The following UTRN variants were observed in gnomAD, a reference collection of about 807,000 sequenced individuals.
UTRN encodes the protein utrophin, also known as dystrophin-related protein 1.
A neutral mutation model predicts 463.9 loss-of-function variants in UTRN; 283 were observed. The ratio of observed to expected loss-of-function variants is 0.61; its 90% CI spans 0.55 to 0.67. The LOEUF is 0.67. UTRN is among the 30% of genes least tolerant of loss of function. The probability of loss-of-function intolerance (pLI) is 0.00; values close to 1 mark genes in which losing one functional copy is unlikely to be tolerated. For synonymous variants in UTRN, 1,442 were observed against 1,431.5 expected, an observed-to-expected ratio of 1.01 and a Z score of -0.17; for missense variants, 3,922 against 4,084.3, an observed-to-expected ratio of 0.96 and a Z score of 1.08.
At chr6:144,659,950 G>T (rs920010215) in intron 51 of UTRN, 1 of 281,164 alleles carries the variant, frequency 3.6e-6, no homozygotes, top group African/African-American at 2.2e-5. Flanking sequence ...GACCATGCCA[G>T]CCTCGTGGAA....
intron 9 of UTRN, among the ~76,000 whole-genome samples, chr6:144,431,355 A>G (rs1785822078): frequency 6.6e-6 from 1 of 152,216 alleles, no homozygotes; most frequent in Admixed American, 6.5e-5. Context: ...ATTAAGTGCA[A>G]GTGTATTAAC....
chr6:144,725,949 C>T (rs903297106), intron 53 of UTRN, among the ~76,000 whole-genome samples: 1 of 152,172 alleles, frequency 6.6e-6, no homozygotes, highest in Admixed American at 6.5e-5. Context: ...AGGCTTGCCT[C>T]CTGTACTTCC....
At chr6:144,778,734 A>G (rs1376843739) in intron 60 of UTRN, among the ~76,000 whole-genome samples, 2 of 152,174 alleles carry the variant, frequency 1.3e-5, no homozygotes, top group East Asian at 3.8e-4. Flanking sequence ...GCAGAACAGG[A>G]GAATGATGAT....
intron 51 of UTRN, among the ~76,000 whole-genome samples, chr6:144,613,671 C>G (rs1266289731): frequency 6.6e-6 from 1 of 151,844 alleles, no homozygotes; most frequent in Non-Finnish European, 1.5e-5. Context: ...TAAAAATGAC[C>G]TATATGCTGA....
intron 73 of UTRN, among the ~76,000 whole-genome samples, chr6:144,845,691 T>A (rs2128765172): frequency 6.6e-6 from 1 of 152,280 alleles, no homozygotes; most frequent in Non-Finnish European, 1.5e-5. Flanking sequence ...TGTAAACCTA[T>A]GGTGTACTTA....
chr6:144,826,062 G>A (rs1189415361), intron 66 of UTRN, among the ~76,000 whole-genome samples: 1 of 150,622 alleles, frequency 6.6e-6, no homozygotes, highest in Admixed American at 6.7e-5. Flanking sequence ...ATGAGTTAAT[G>A]GGTGCAGCAC....
chr6:144,334,317 G>C lies in UTRN; in HGVS notation c.79+42410G>C, dbSNP rs565330361. Among the ~76,000 whole-genome samples, 319 of 151,360 alleles carry C rather than the reference G, an allele frequency of 2.1e-3. 1 individual carries two copies. The highest frequency in any genetic ancestry group is 6.3e-3 in the African/African-American group (258 of 41,186). ...CCTCCCTCTTTCCGGTGTGTGTTTG[G>C]GGGGGGTGGGGGTGGTGAGGCAGGG... On this transcript the variant is annotated intron_variant, in intron 2 of 74. Coordinates refer to ENST00000367545, the MANE Select transcript of UTRN (RefSeq NM_007124.3).
At chr6:144,321,186 C>T (rs1775612690) in intron 2 of UTRN, among the ~76,000 whole-genome samples, 1 of 151,898 alleles carries the variant, frequency 6.6e-6, no homozygotes, top group South Asian at 2.1e-4. Flanking sequence ...ATGCCAGCCA[C>T]TATTTAACCG....
chr6:144,674,560 T>G (rs1354672600), intron 51 of UTRN, among the ~76,000 whole-genome samples: 1 of 152,052 alleles, frequency 6.6e-6, no homozygotes, highest in Non-Finnish European at 1.5e-5. Flanking sequence ...TGTTGTTTTT[T>G]TAATTTCTTT....
chr6:144,732,655 C>CATGTTATGTT (rs57770911), intron 54 of UTRN, among the ~76,000 whole-genome samples: 3,899 of 126,276 alleles, frequency 0.031, 251 homozygotes, highest in East Asian at 0.048. Flanking sequence ...CATTTTATGT[C>CATGTTATGTT]ATGTTATGTT....
chr6:144,662,194 C>G (rs189367601), intron 51 of UTRN, among the ~76,000 whole-genome samples: 6 of 152,084 alleles, frequency 3.9e-5, no homozygotes, highest in Non-Finnish European at 5.9e-5. Flanking sequence ...TGAATGTATT[C>G]TTTCCAAAGT....
chr6:144,508,688 C>T (rs1046870214), intron 34 of UTRN, among the ~76,000 whole-genome samples: 1 of 152,052 alleles, frequency 6.6e-6, no homozygotes, highest in Non-Finnish European at 1.5e-5. Flanking sequence ...ATCTTGCCAG[C>T]CACCTCCTCT....
intron 70 of UTRN, 85 bp from the exon 71 acceptor site, chr6:144,836,216 G>A (rs1209785255): frequency 1.9e-6 from 3 of 1,584,288 alleles, no homozygotes; most frequent in African/African-American, 1.4e-5. Flanking sequence ...GAACTAGCAT[G>A]AGCTAAATTT....
chr6:144,779,692 CTCCACGTGTAGG>C lies in UTRN; in HGVS notation c.8633-2228_8633-2217del, dbSNP rs1775646204. ...CAGTGCTTAACTTTAATTGAAAAAA[CTCCACGTGTAGG>C]TGGACCCTCACAGTTCAAACTGGCG... On this transcript the variant is annotated intron_variant, in intron 60 of 74. Transcript: ENST00000367545. Among the ~76,000 whole-genome samples, 6 of 152,260 alleles carry C rather than the reference CTCCACGTGTAGG, an allele frequency of 3.9e-5. No homozygotes were observed. The South Asian group carries it at 1.2e-3, about 32-fold the overall frequency.
intron 51 of UTRN, among the ~76,000 whole-genome samples, chr6:144,606,684 A>T (rs1472743235): frequency 2.0e-5 from 3 of 152,244 alleles, no homozygotes; most frequent in Non-Finnish European, 4.4e-5. Context: ...TATAAATTTG[A>T]TCTTACATAA....
At chr6:144,611,793 C>T (rs1805555534) in intron 51 of UTRN, among the ~76,000 whole-genome samples, 1 of 152,134 alleles carries the variant, frequency 6.6e-6, no homozygotes, top group Non-Finnish European at 1.5e-5. Flanking sequence ...ATGTAATTTA[C>T]ATATTTAACA....
At chr6:144,707,276 A>G (rs927557867) in intron 53 of UTRN, among the ~76,000 whole-genome samples, 4 of 152,162 alleles carry the variant, frequency 2.6e-5, no homozygotes, top group African/African-American at 9.6e-5. Flanking sequence ...TAAGGGTTAA[A>G]GTTGATGAAA....
At chr6:144,433,130 C>T (rs2114877030) in intron 9 of UTRN, among the ~76,000 whole-genome samples, 1 of 152,282 alleles carries the variant, frequency 6.6e-6, no homozygotes, top group African/African-American at 2.4e-5. Flanking sequence ...AATCTTTTCC[C>T]CACCTTTCCC....
intron 69 of UTRN, among the ~76,000 whole-genome samples, chr6:144,834,968 A>G (rs1360329027): frequency 6.6e-6 from 1 of 152,246 alleles, no homozygotes; most frequent in Non-Finnish European, 1.5e-5. Flanking sequence ...CTGCCCTGCT[A>G]GTATTAGCCA....
Sources: gnomAD v4.1 joint callset for allele counts (sites outside exome capture counted in the v4.1 genomes callset) on GRCh38, gnomAD v4.1.1 for gene constraint, MANE v1.5 for transcripts, NCBI Gene and HGNC (gene_info 2026-07-23, HGNC 2026-07-21) for gene names.